Variants in RBFOX1 observed in about 807,000 individuals in gnomAD.
RBFOX1 encodes RNA binding protein fox-1 homolog 1.
In RBFOX1, 8 loss-of-function variants were observed where a neutral mutation model predicts 57.7. The observed-to-expected ratio is 0.14, with a 90% CI of 0.08 to 0.25. The LOEUF (loss-of-function observed/expected upper bound fraction) is 0.25. Ranked by LOEUF, RBFOX1 falls within the 10% of genes least tolerant of loss-of-function variation. RBFOX1 has a pLI of 1.00. For missense variants in RBFOX1, 611 were observed against 548.5 expected, an observed-to-expected ratio of 1.11 and a Z score of -1.14; for synonymous variants, 326 against 222.4, an observed-to-expected ratio of 1.47 and a Z score of -4.15.
At chr16:5,241,949 AT>A (rs202063452) in intron 1 of RBFOX1, among the ~76,000 whole-genome samples, 89 of 151,164 alleles carry the variant, frequency 5.9e-4, no homozygotes, top group African/African-American at 2.0e-3. Context: ...AAAAAAAAAA[AT>A]AATAATAATA....
At chr16:7,281,040 T>A (rs1029808363) in intron 4 of RBFOX1, among the ~76,000 whole-genome samples, 2 of 135,702 alleles carry the variant, frequency 1.5e-5, no homozygotes, top group Admixed American at 1.5e-4. Context: ...TGAGTCTCCT[T>A]CACCCAGGCT....
chr16:6,581,296 C>G (rs1033105877), intron 2 of RBFOX1, among the ~76,000 whole-genome samples: 1 of 152,186 alleles, frequency 6.6e-6, no homozygotes, highest in African/African-American at 2.4e-5. Flanking sequence ...TGTGTCTTTG[C>G]TTTTTCGATG....
At chr16:6,768,458 CCAGCCCA>C (rs1478042808) in intron 3 of RBFOX1, among the ~76,000 whole-genome samples, 1 of 151,764 alleles carries the variant, frequency 6.6e-6, no homozygotes, top group African/African-American at 2.4e-5. Flanking sequence ...AAATTCCCCC[CCAGCCCA>C]CACAAGCCTT....
intron 4 of RBFOX1, among the ~76,000 whole-genome samples, chr16:7,257,487 C>A (rs903598627): frequency 1.3e-5 from 2 of 152,066 alleles, no homozygotes; most frequent in Admixed American, 6.6e-5. Flanking sequence ...GTCAGCCATA[C>A]CCCCCGGGTT....
At chr16:7,262,113 T>A (rs74188745) in intron 4 of RBFOX1, among the ~76,000 whole-genome samples, 10,865 of 151,548 alleles carry the variant, frequency 0.072, 518 homozygotes, top group East Asian at 0.13. Flanking sequence ...CTGGGAAATA[T>A]GACACAGAGA....
At chr16:6,377,731 C>T (rs2091351746) in intron 2 of RBFOX1, among the ~76,000 whole-genome samples, 1 of 152,170 alleles carries the variant, frequency 6.6e-6, no homozygotes, top group Non-Finnish European at 1.5e-5. Context: ...GACTTTCTGT[C>T]TGTAATCATA....
chr16:5,263,764 C>A (rs1326603157), intron 1 of RBFOX1, among the ~76,000 whole-genome samples: 2 of 152,000 alleles, frequency 1.3e-5, no homozygotes, highest in Non-Finnish European at 2.9e-5. Context: ...CTCTGAAACC[C>A]CTAGGGATGG....
At chr16:6,932,388 T>C (rs1044750603) in intron 3 of RBFOX1, among the ~76,000 whole-genome samples, 2 of 152,192 alleles carry the variant, frequency 1.3e-5, no homozygotes, top group African/African-American at 4.8e-5. Flanking sequence ...ATTACATGCA[T>C]GAGCCACCAT....
rs1419431500 is a variant in RBFOX1, at chr16:5,240,037, G to A, written c.151G>A (p.Asp51Asn). The A allele has an allele frequency of 4.6e-6, 7 of 1,531,920 alleles. No individual in the cohort carries two copies. The South Asian group carries it at 8.3e-5, about 18-fold the overall frequency. The allele number at this position is 1,531,920 out of a possible 1,614,324, so 94.9% of individuals were successfully genotyped here. ...AAGCGCACAGCCCGAGGACTGCGAG[G>A]ACGGGAAGGACGCGCCGCGGCCGGG... is the stretch of plus-strand genomic sequence containing the variant. Residue 51 changes from aspartate (D) to asparagine (N), a missense_variant, in exon 1 of 3, where the codon GAC becomes AAC. Coordinates refer to the RBFOX1 transcript ENST00000585867.
At chr16:6,994,155 G>A (rs937295654) in intron 3 of RBFOX1, among the ~76,000 whole-genome samples, 1 of 152,054 alleles carries the variant, frequency 6.6e-6, no homozygotes, top group African/African-American at 2.4e-5. Flanking sequence ...GGGTATTGGC[G>A]GGATCAGGGA....
intron 4 of RBFOX1, among the ~76,000 whole-genome samples, chr16:6,013,097 G>C (rs545130690): frequency 1.3e-5 from 2 of 152,222 alleles, no homozygotes; most frequent in South Asian, 2.1e-4. Context: ...TATGTACAGG[G>C]AAGTGAATAG....
intron 1 of RBFOX1, among the ~76,000 whole-genome samples, chr16:6,148,402 C>G (rs146543157): frequency 6.6e-6 from 1 of 152,334 alleles, no homozygotes; most frequent in African/African-American, 2.4e-5. Context: ...TTCTATTTCT[C>G]AAACTCCTCA....
At chr16:5,305,855 TG>T (rs1416136456) in intron 1 of RBFOX1, among the ~76,000 whole-genome samples, 1 of 152,124 alleles carries the variant, frequency 6.6e-6, no homozygotes, top group Non-Finnish European at 1.5e-5. Flanking sequence ...CCTAGGAGTT[TG>T]GGACCAGTCT....
At chr16:7,205,074 C>T (rs1463146122) in intron 4 of RBFOX1, among the ~76,000 whole-genome samples, 1 of 152,118 alleles carries the variant, frequency 6.6e-6, no homozygotes, top group South Asian at 2.1e-4. Flanking sequence ...GTAGAAGTTA[C>T]ATGTGGAATA....
chr16:6,690,118 T>C (rs1033786204), intron 3 of RBFOX1, among the ~76,000 whole-genome samples: 1 of 152,336 alleles, frequency 6.6e-6, no homozygotes, highest in African/African-American at 2.4e-5. Flanking sequence ...TAAAAATGCT[T>C]AGAAGATGGT....
intron 2 of RBFOX1, among the ~76,000 whole-genome samples, chr16:5,483,572 G>A (rs946298358): frequency 6.6e-6 from 1 of 152,210 alleles, no homozygotes; most frequent in African/African-American, 2.4e-5. Context: ...GTCAGGCTCT[G>A]CATTTTGAAG....
chr16:6,442,356 G>C (rs1309628443), intron 2 of RBFOX1, among the ~76,000 whole-genome samples: 4 of 152,126 alleles, frequency 2.6e-5, no homozygotes, highest in Admixed American at 1.3e-4. Context: ...AAGAGATTGA[G>C]ACCATCCAGA....
intron 4 of RBFOX1, among the ~76,000 whole-genome samples, chr16:7,160,586 A>AGTC (rs1365587103): frequency 6.6e-6 from 1 of 152,190 alleles, no homozygotes; most frequent in Non-Finnish European, 1.5e-5. Context: ...TTAGCTGAAA[A>AGTC]GTCGTAATAC....
chr16:6,760,318 C>T (rs903788717), intron 3 of RBFOX1, among the ~76,000 whole-genome samples: 6 of 152,086 alleles, frequency 3.9e-5, no homozygotes, highest in African/African-American at 1.4e-4. Context: ...TTTCTGTTAT[C>T]TATGAAGGTG....
Sources: allele counts gnomAD v4.1 joint callset (sites outside exome capture counted in the v4.1 genomes callset), GRCh38; gene constraint gnomAD v4.1.1; transcripts MANE v1.5; gene names NCBI Gene and HGNC (gene_info 2026-07-23, HGNC 2026-07-21).